Variants in BAZ1A observed in about 807,000 individuals in gnomAD.
BAZ1A encodes the protein bromodomain adjacent to zinc finger domain protein 1A.
A neutral mutation model predicts 185.2 loss-of-function variants in BAZ1A; 50 were observed. The ratio of observed to expected loss-of-function variants is 0.27; its 90% CI spans 0.22 to 0.34. BAZ1A has a LOEUF of 0.34. BAZ1A is among the 10% of genes least tolerant of loss of function. BAZ1A has a pLI of 1.00. For missense variants in BAZ1A, 1,356 were observed against 1,839.9 expected, an observed-to-expected ratio of 0.74 and a Z score of 4.81; for synonymous variants, 571 against 615.6, an observed-to-expected ratio of 0.93 and a Z score of 1.07.
chr14:34,754,051 G>A (rs9806021), intron 26 of BAZ1A, among the ~76,000 whole-genome samples: 18,212 of 151,796 alleles, frequency 0.12, 1,292 homozygotes, highest in Admixed American at 0.22. Flanking sequence ...TCAGGAGTTC[G>A]ACACCAGCCT....
At chr14:34,871,740 G>A (rs1462281712) in intron 2 of BAZ1A, among the ~76,000 whole-genome samples, 1 of 152,226 alleles carries the variant, frequency 6.6e-6, no homozygotes, top group East Asian at 1.9e-4. Flanking sequence ...GGGCGTGGTG[G>A]CAGGCTCCTG....
At chr14:34,756,437 G>A (rs1030513909) in intron 25 of BAZ1A, among the ~76,000 whole-genome samples, 18 of 146,414 alleles carry the variant, frequency 1.2e-4, no homozygotes, top group Non-Finnish European at 2.5e-4. Flanking sequence ...GATTACAGGC[G>A]TGACACACTG....
intron 3 of BAZ1A, among the ~76,000 whole-genome samples, chr14:34,845,621 G>T (rs2042497686): frequency 6.6e-6 from 1 of 152,108 alleles, no homozygotes; most frequent in South Asian, 2.1e-4. Context: ...AACACTTTGG[G>T]AGGCCGAGGT....
Position 34,802,879 on chromosome 14 carries a change from G to T in BAZ1A, c.836C>A (p.Pro279His). Residue 279 changes from proline (P) to histidine (H), a missense_variant, in exon 7 of 27, where the codon CCT becomes CAT. Around this residue, in one of 7 missense-constraint regions of BAZ1A, gnomAD observed 332 missense variants for 395.3 expected, o/e 0.84. Transcript: ENST00000360310. ...TTGACTAATATGTATTCGTTTGGGA[G>T]GTCTCCCTCTTCGTCTGTTAGCAGG... ...FSPANRRRGR[P>H]PKRIHISQED... 3 of 1,613,572 alleles carry T rather than the reference G, an allele frequency of 1.9e-6. No homozygotes were observed. The highest frequency in any genetic ancestry group is 2.5e-6 in the Non-Finnish European group (3 of 1,179,614).
At chr14:34,854,821 T>C (rs1236850604) in intron 3 of BAZ1A, among the ~76,000 whole-genome samples, 2 of 152,208 alleles carry the variant, frequency 1.3e-5, no homozygotes, top group Non-Finnish European at 2.9e-5. Flanking sequence ...GGCTCATGCC[T>C]GTAATCCCAG....
intron 3 of BAZ1A, among the ~76,000 whole-genome samples, chr14:34,854,056 T>C (rs2042637618): frequency 6.6e-6 from 1 of 151,914 alleles, no homozygotes; most frequent in Admixed American, 6.6e-5. Context: ...AGTTTATATC[T>C]TAAAGTTATT....
At chr14:34,823,766 TTA>T (rs1484567847) in intron 4 of BAZ1A, among the ~76,000 whole-genome samples, 2 of 152,326 alleles carry the variant, frequency 1.3e-5, no homozygotes, top group Non-Finnish European at 2.9e-5. Flanking sequence ...AAGACTGGGC[TTA>T]GTTTTTTTAT....
At chr14:34,790,050 T>A (rs1402178522) in intron 12 of BAZ1A, among the ~76,000 whole-genome samples, 1 of 152,184 alleles carries the variant, frequency 6.6e-6, no homozygotes, top group Non-Finnish European at 1.5e-5. Context: ...ACTTATTAGC[T>A]ATGTGATCTT....
At chr14:34,800,134 T>A in intron 9 of BAZ1A, 90 bp downstream of exon 9, 1 of 1,173,650 alleles carries the variant, frequency 8.5e-7, no homozygotes. Context: ...ATGAAAGTAG[T>A]AAAAGCATTT....
At chr14:34,824,402 G>GAAAAAA (rs2042133224) in intron 4 of BAZ1A, among the ~76,000 whole-genome samples, 1 of 19,994 alleles carries the variant, frequency 5.0e-5, no homozygotes, top group African/African-American at 1.9e-4. Context: ...AAAAAAAGCA[G>GAAAAAA]CAACTCAAAA....
chr14:34,782,448 T>G (rs1009455323), intron 16 of BAZ1A, among the ~76,000 whole-genome samples: 1 of 152,150 alleles, frequency 6.6e-6, no homozygotes, highest in African/African-American at 2.4e-5. Context: ...TTCTTCTTTA[T>G]TTTTTGACAT....
Position 34,759,606 on chromosome 14 carries a change from A to G in BAZ1A, c.4244-760T>C, listed in dbSNP as rs144846107. 6.1e-3 allele frequency among the ~76,000 whole-genome samples: 930 copies of G among 152,310 alleles called. 11 individuals are homozygous for G. The highest frequency in any genetic ancestry group is 0.022 in the African/African-American group (895 of 41,574). On this transcript the variant is annotated intron_variant, in intron 24 of 26. Coordinates refer to ENST00000360310, the MANE Select transcript of BAZ1A (RefSeq NM_013448.3). Reference sequence around the variant, plus strand: ...TAGAAACTAGGCTTACATATAAATTACCTTGCATAATGGAAAAGCAATTCT... The same window carrying G: ...TAGAAACTAGGCTTACATATAAATTGCCTTGCATAATGGAAAAGCAATTCT...
At chr14:34,799,739 G>C (rs182398236) in intron 9 of BAZ1A, among the ~76,000 whole-genome samples, 18 of 151,872 alleles carry the variant, frequency 1.2e-4, no homozygotes, top group Non-Finnish European at 8.8e-5. Context: ...AGCCTCCTTC[G>C]TAGTTGGGAT....
At chr14:34,823,235 G>T (rs895490702) in intron 4 of BAZ1A, among the ~76,000 whole-genome samples, 4 of 150,726 alleles carry the variant, frequency 2.7e-5, no homozygotes, top group African/African-American at 9.8e-5. Flanking sequence ...CGCGCCTGTA[G>T]TCTCAGCTAC....
intron 2 of BAZ1A, among the ~76,000 whole-genome samples, chr14:34,865,996 T>C (rs1413145694): frequency 6.6e-6 from 1 of 152,036 alleles, no homozygotes; most frequent in Non-Finnish European, 1.5e-5. Context: ...GAGACCAGAC[T>C]GCGCAACAAA....
chr14:34,794,715 C>T, intron 11 of BAZ1A, 34 bp downstream of exon 11: 1 of 1,587,232 alleles, frequency 6.3e-7, no homozygotes, highest in Non-Finnish European at 8.6e-7. Context: ...TTAGGATGAA[C>T]TATAATGTAG....
intron 3 of BAZ1A, among the ~76,000 whole-genome samples, chr14:34,839,319 G>A (rs1010368270): frequency 3.9e-5 from 6 of 151,910 alleles, no homozygotes; most frequent in South Asian, 4.2e-4. Context: ...GCTGAGGCAG[G>A]TGGATTGCTT....
rs568248932 is a variant in BAZ1A, at chr14:34,832,169, T to C, written c.393-6013A>G. 7.1e-5 allele frequency among the ~76,000 whole-genome samples: 9 copies of C among 126,732 alleles called. No individual in the cohort carries two copies. The South Asian group carries it at 2.5e-3, about 36-fold the overall frequency. 83.1% of individuals were successfully genotyped at this position (126,732 alleles called of 152,430 possible). On this transcript the variant is annotated intron_variant, in intron 3 of 26. Coordinates refer to ENST00000360310, the MANE Select transcript of BAZ1A (RefSeq NM_013448.3). Reference sequence around the variant, plus strand: ...GTAAGTATGTATGTATGTGTATGTGTGTATATATACATATATACATATACA... The same window carrying C: ...GTAAGTATGTATGTATGTGTATGTGCGTATATATACATATATACATATACA...
intron 3 of BAZ1A, among the ~76,000 whole-genome samples, chr14:34,854,064 A>G (rs2042637773): frequency 6.6e-6 from 1 of 150,884 alleles, no homozygotes; most frequent in South Asian, 2.1e-4. Flanking sequence ...TCTTAAAGTT[A>G]TTTTAACTGA....
Sources: gnomAD v4.1 joint callset for allele counts (sites outside exome capture counted in the v4.1 genomes callset) on GRCh38, gnomAD v4.1.1 for gene constraint, gnomAD v4.1.1 regional missense constraint, MANE v1.5 for transcripts, NCBI Gene and HGNC (gene_info 2026-07-23, HGNC 2026-07-21) for gene names.